The following DAB1 variants were observed in gnomAD, a reference collection of about 807,000 sequenced individuals.
DAB1 encodes the protein disabled homolog 1.
In DAB1, 15 loss-of-function variants were observed where a neutral mutation model predicts 64.6. The ratio of observed to expected loss-of-function variants is 0.23; its 90% CI spans 0.16 to 0.36. DAB1 has a LOEUF of 0.36. Ranked by LOEUF, DAB1 falls within the 10% of genes least tolerant of loss-of-function variation. The probability of loss-of-function intolerance (pLI) is 1.00; values close to 1 mark genes in which losing one functional copy is unlikely to be tolerated. For synonymous variants in DAB1, 235 were observed against 251.9 expected, an observed-to-expected ratio of 0.93 and a Z score of 0.64; for missense variants, 596 against 706.7, an observed-to-expected ratio of 0.84 and a Z score of 1.78.
intron 6 of DAB1, among the ~76,000 whole-genome samples, chr1:57,760,850 T>G (rs3118053): frequency 6.6e-6 from 1 of 151,904 alleles, no homozygotes; most frequent in South Asian, 2.1e-4. Flanking sequence ...CAAACAAATT[T>G]GAAGACTCTG....
intron 1 of DAB1, among the ~76,000 whole-genome samples, chr1:57,842,627 C>T (rs529468460): frequency 6.6e-6 from 1 of 152,276 alleles, no homozygotes; most frequent in South Asian, 2.1e-4. Flanking sequence ...CAAGAACCTT[C>T]TTCACATGGT....
intron 1 of DAB1, among the ~76,000 whole-genome samples, chr1:57,315,902 C>G (rs1328123415): frequency 6.6e-6 from 1 of 152,184 alleles, no homozygotes; most frequent in Non-Finnish European, 1.5e-5. Flanking sequence ...ATTGTAAGTA[C>G]AGGTATAGCA....
intron 3 of DAB1, among the ~76,000 whole-genome samples, chr1:58,450,068 G>T (rs1181608860): frequency 6.6e-6 from 1 of 152,150 alleles, no homozygotes. Context: ...TAAATGAGGG[G>T]TTTCTGGTTC....
chr1:58,438,410 T>C (rs577356838), intron 3 of DAB1, among the ~76,000 whole-genome samples: 8 of 152,230 alleles, frequency 5.3e-5, no homozygotes, highest in South Asian at 2.1e-4. Context: ...AAGTTAGCCA[T>C]ATGAAATGGG....
rs186509000 is a variant in DAB1, at chr1:58,334,504, A to G, written n.309+8848T>C. ...TTTCTTACTTAATCAACTGCCACAT[A>G]GAGCTACTGACCATCATGGGTTAAG... On this transcript the variant is annotated intron_variant and non_coding_transcript_variant, in intron 4 of 20. Coordinates refer to the DAB1 transcript ENST00000485760. 5.5e-3 allele frequency among the ~76,000 whole-genome samples: 828 copies of G among 151,698 alleles called. 7 individuals carry two copies. Among genetic ancestry groups the G allele is most frequent in the Middle Eastern group, 0.014 (4 of 282 alleles).
intron 1 of DAB1, among the ~76,000 whole-genome samples, chr1:57,331,652 T>C (rs577800478): frequency 6.6e-6 from 1 of 152,342 alleles, no homozygotes; most frequent in African/African-American, 2.4e-5. Flanking sequence ...TGTGCCCCAG[T>C]TGGAGGCAAA....
intron 5 of DAB1, among the ~76,000 whole-genome samples, chr1:58,127,144 T>C (rs1232859479): frequency 1.3e-5 from 2 of 151,574 alleles, no homozygotes; most frequent in Non-Finnish European, 2.9e-5. Flanking sequence ...TTTTAATGAT[T>C]GCCATTCTAA....
chr1:57,400,553 T>C (rs1444504204), intron 1 of DAB1, among the ~76,000 whole-genome samples: 1 of 133,172 alleles, frequency 7.5e-6, no homozygotes, highest in African/African-American at 3.0e-5. Context: ...AGTATCAGTC[T>C]TTTTTTTTTT....
At chr1:58,241,747 A>G (rs1033909707) in intron 4 of DAB1, among the ~76,000 whole-genome samples, 8 of 152,130 alleles carry the variant, frequency 5.3e-5, no homozygotes, top group Non-Finnish European at 1.0e-4. Flanking sequence ...GACATCAGGA[A>G]AACACAAAGT....
chr1:57,126,500 C>A (rs1464805356), intron 4 of DAB1, among the ~76,000 whole-genome samples: 1 of 152,154 alleles, frequency 6.6e-6, no homozygotes, highest in African/African-American at 2.4e-5. Context: ...GAGATAATAC[C>A]TCTATTTCCC....
intron 1 of DAB1, among the ~76,000 whole-genome samples, chr1:57,375,306 G>A (rs1488516774): frequency 1.3e-5 from 2 of 152,168 alleles, no homozygotes; most frequent in African/African-American, 4.8e-5. Context: ...TCCCAAGTCA[G>A]AGAACATTAT....
intron 5 of DAB1, among the ~76,000 whole-genome samples, chr1:57,922,845 C>CAAAAAAAAAAAAAAAAAAA (rs367897659): frequency 1.8e-4 from 8 of 45,006 alleles, no homozygotes; most frequent in African/African-American, 7.9e-4. Flanking sequence ...GACTCCATCT[C>CAAAAAAAAAAAAAAAAAAA]AAAAAAAAAA....
intron 9 of DAB1, among the ~76,000 whole-genome samples, chr1:57,040,123 T>A (rs1317738738): frequency 1.3e-5 from 2 of 152,208 alleles, no homozygotes; most frequent in South Asian, 4.2e-4. Context: ...AATGACAAGA[T>A]TCATGCTGGT....
intron 7 of DAB1, among the ~76,000 whole-genome samples, chr1:57,568,494 A>G (rs565729455): frequency 1.5e-4 from 23 of 152,350 alleles, no homozygotes; most frequent in African/African-American, 4.8e-4. Context: ...CAGGCAACCT[A>G]CAGAACGGGA....
intron 2 of DAB1, among the ~76,000 whole-genome samples, chr1:57,159,701 G>A (rs998398553): frequency 2.0e-5 from 3 of 151,922 alleles, no homozygotes; most frequent in Non-Finnish European, 2.9e-5. Flanking sequence ...GGAAAACCAA[G>A]TTTAAATTTC....
intron 7 of DAB1, 24 bp downstream of exon 7, chr1:57,070,999 A>AC (rs1435159705): frequency 6.2e-7 from 1 of 1,604,836 alleles, no homozygotes; most frequent in East Asian, 2.2e-5. Context: ...TGAATCTAAA[A>AC]CCCCGACTAG....
intron 3 of DAB1, among the ~76,000 whole-genome samples, chr1:58,443,265 T>C (rs970756967): frequency 2.0e-5 from 3 of 152,218 alleles, no homozygotes; most frequent in Non-Finnish European, 4.4e-5. Flanking sequence ...TTGGTTTGAG[T>C]TGGACAATGC....
At chr1:57,011,719 C>A (rs936337775) in intron 12 of DAB1, among the ~76,000 whole-genome samples, 1 of 152,176 alleles carries the variant, frequency 6.6e-6, no homozygotes. Flanking sequence ...TTATTGAGCG[C>A]CTTTCATGTG....
At chr1:57,463,541 T>G (rs1302699074) in intron 7 of DAB1, among the ~76,000 whole-genome samples, 5 of 152,136 alleles carry the variant, frequency 3.3e-5, no homozygotes, top group Non-Finnish European at 5.9e-5. Flanking sequence ...TGAGTGTGCT[T>G]TTTACTGCCC....
Sources: gnomAD v4.1 joint callset for allele counts (sites outside exome capture counted in the v4.1 genomes callset) on GRCh38, gnomAD v4.1.1 for gene constraint, MANE v1.5 for transcripts, NCBI Gene and HGNC (gene_info 2026-07-23, HGNC 2026-07-21) for gene names.